The following NPAS2 variants were observed in gnomAD, a reference collection of about 807,000 sequenced individuals.
The protein encoded by NPAS2 is neuronal PAS domain-containing protein 2.
Under a neutral mutation model 107.5 loss-of-function variants are expected in NPAS2, and 23 were observed. That is an observed-to-expected ratio of 0.21 (90% CI 0.15 to 0.30). The LOEUF is 0.30. Ranked by LOEUF, NPAS2 falls within the 10% of genes least tolerant of loss-of-function variation. NPAS2 has a pLI of 1.00. For synonymous variants in NPAS2, 403 were observed against 417.5 expected (o/e 0.97, Z 0.42); for missense variants, 756 against 1,043.3 (o/e 0.72, Z 3.79).
At chr2:100,936,051 TG>T (rs2104960802) in intron 4 of NPAS2, among the ~76,000 whole-genome samples, 1 of 152,348 alleles carries the variant, frequency 6.6e-6, no homozygotes, top group Non-Finnish European at 1.5e-5. Flanking sequence ...GAACCACTGA[TG>T]TCATCCAAGA....
intron 20 of NPAS2, chr2:100,994,273 T>C (rs1490312581): frequency 6.6e-6 from 1 of 152,280 alleles, no homozygotes; most frequent in African/African-American, 2.4e-5. Flanking sequence ...AGCTGAGACC[T>C]CTTGAGTACT....
chr2:100,925,564 A>G (rs35896059), intron 3 of NPAS2, among the ~76,000 whole-genome samples: 21,642 of 152,212 alleles, frequency 0.14, 1,739 homozygotes, highest in Middle Eastern at 0.18. Context: ...GCAGCGTGGC[A>G]TTCACAGTGA....
intron 12 of NPAS2, among the ~76,000 whole-genome samples, chr2:100,973,124 A>G (rs1337281264): frequency 6.6e-6 from 1 of 152,004 alleles, no homozygotes; most frequent in Admixed American, 6.6e-5. Context: ...GGTTGCAGTG[A>G]GCCGAGATTG....
At chr2:100,937,538 G>A (rs963361479) in intron 4 of NPAS2, among the ~76,000 whole-genome samples, 1 of 152,208 alleles carries the variant, frequency 6.6e-6, no homozygotes, top group African/African-American at 2.4e-5. Flanking sequence ...CACTGATCCT[G>A]TAGTGCTTTT....
chr2:100,963,573 T>TTTCG (rs1558916576), intron 7 of NPAS2, among the ~76,000 whole-genome samples: 1 of 151,880 alleles, frequency 6.6e-6, no homozygotes, highest in Non-Finnish European at 1.5e-5. Flanking sequence ...TAATTTTTGT[T>TTTCG]TTTGTTTGTT....
chr2:100,906,349 G>C (rs1036414015), intron 2 of NPAS2, among the ~76,000 whole-genome samples: 2 of 152,158 alleles, frequency 1.3e-5, no homozygotes, highest in Admixed American at 1.3e-4. Flanking sequence ...TGGATGGAGC[G>C]CTGGAGACAG....
chr2:100,971,974 CT>C (rs199999129), intron 12 of NPAS2, among the ~76,000 whole-genome samples: 3,886 of 147,646 alleles, frequency 0.026, 179 homozygotes, highest in African/African-American at 0.093. Flanking sequence ...CAAAGTCTCA[CT>C]TTGTTGCCCC....
chr2:100,875,329 A>T (rs996554648), intron 1 of NPAS2, among the ~76,000 whole-genome samples: 1 of 152,224 alleles, frequency 6.6e-6, no homozygotes, highest in Non-Finnish European at 1.5e-5. Context: ...TTTCTGTCTG[A>T]TGGTTGCACA....
intron 1 of NPAS2, among the ~76,000 whole-genome samples, chr2:100,901,861 T>C (rs1204952178): frequency 6.6e-6 from 1 of 152,084 alleles, no homozygotes; most frequent in Non-Finnish European, 1.5e-5. Context: ...ACCCGCCTTC[T>C]GCTTTCCTGT....
intron 7 of NPAS2, among the ~76,000 whole-genome samples, chr2:100,949,861 G>C (rs4851385): frequency 0.53 from 79,888 of 152,010 alleles, 21,090 homozygotes; most frequent in Middle Eastern, 0.63. Context: ...TTTCCCTCCC[G>C]CTGCAGTACT....
In NPAS2 at chr2:100,975,092, C is replaced by A. The variant is rs2105229871; in HGVS notation, c.1282+148C>A. On this transcript the variant is annotated intron_variant, in intron 13 of 20. Transcript: ENST00000335681. ...CAGTTTATACTCCTCCTTTCCTTTCCCAGACTTCCCGCCTCCTGATCACCT... is the reference window on the plus strand; with the variant it reads ...CAGTTTATACTCCTCCTTTCCTTTCACAGACTTCCCGCCTCCTGATCACCT... 3 of 784,134 alleles carry A rather than the reference C, an allele frequency of 3.8e-6. No individual in the cohort carries two copies. In the East Asian group the frequency reaches 8.1e-5, roughly 21 times the overall value. The allele number at this position is 784,134 out of a possible 1,614,324, so 48.6% of individuals were successfully genotyped here.
chr2:100,922,857 G>GT (rs373817860), intron 2 of NPAS2, among the ~76,000 whole-genome samples: 95 of 152,280 alleles, frequency 6.2e-4, no homozygotes, highest in African/African-American at 2.1e-3. Context: ...CTTCGTCGGA[G>GT]TTGCTACCAG....
At chr2:100,826,702 G>A (rs1231149987) in intron 1 of NPAS2, among the ~76,000 whole-genome samples, 1 of 132,670 alleles carries the variant, frequency 7.5e-6, no homozygotes, top group Non-Finnish European at 1.5e-5. Context: ...GATTTTCTAG[G>A]TCAGGGATTA....
chr2:100,851,237 G>T (rs1678156365), intron 1 of NPAS2, among the ~76,000 whole-genome samples: 1 of 152,192 alleles, frequency 6.6e-6, no homozygotes, highest in Admixed American at 6.5e-5. Flanking sequence ...TTACACAACA[G>T]TGTGAACAGT....
At chr2:100,919,329 C>G (rs996445860) in intron 2 of NPAS2, among the ~76,000 whole-genome samples, 29 of 152,014 alleles carry the variant, frequency 1.9e-4, no homozygotes, top group Non-Finnish European at 1.5e-5. Context: ...AGAACCGTGT[C>G]CCCGAAGAAA....
chr2:100,825,514 G>A (rs145948528), intron 1 of NPAS2, among the ~76,000 whole-genome samples: 341 of 152,200 alleles, frequency 2.2e-3, no homozygotes, highest in African/African-American at 7.8e-3. Context: ...CTTCATCCTT[G>A]TGGCCTACCC....
rs1442828050 is a variant in NPAS2 at position 100,988,262 on chromosome 2, G to T, written c.1813G>T (p.Val605Leu). The T allele has an allele frequency of 6.2e-7, 1 of 1,613,662 alleles. No individual in the cohort carries two copies. Among genetic ancestry groups the T allele is most frequent in the East Asian group, 2.2e-5 (1 of 44,882 alleles). The change falls in exon 17 of 21, where the codon GTG becomes TTG. Residue 605 changes from valine to leucine, a missense_variant. By Grantham distance (32) the Val-to-Leu change is conservative (BLOSUM62 1). This residue lies in a region of NPAS2 where 496 missense variants were observed against 594.4 expected (regional missense o/e 0.83). Transcript: ENST00000335681. ...CCAGCACCTGCTCAGAGAATCAAGT[G>T]TGATATCAACCCAGGTAAATGTGCT... ...TSQHLLRESS[V>L]ISTQGPKPMR...
chr2:100,820,037 A>G (rs1675974237), upstream of NPAS2: 1 of 120,862 alleles, frequency 8.3e-6, no homozygotes, highest in African/African-American at 3.1e-5. The surrounding 1 kb of genome is among the most constrained non-coding windows in gnomAD (Gnocchi z 5.6). Context: ...CGAGGGGAGG[A>G]GGAGGAGGGT....
chr2:100,921,271 G>A lies in NPAS2; in HGVS notation c.33-3875G>A, dbSNP rs373736006. Among the ~76,000 whole-genome samples, 5 of 152,306 alleles carry A rather than the reference G, an allele frequency of 3.3e-5. No homozygotes were observed. In the East Asian group the frequency reaches 7.7e-4, roughly 24 times the overall value. On this transcript the variant is annotated intron_variant, in intron 2 of 20. Transcript: ENST00000335681. ...CTCAGTGCCTCGCTCCTTCCCCTTG[G>A]AATGGAAATGCAATAGTACCTGCCT...
Sources: allele counts gnomAD v4.1 joint callset (sites outside exome capture counted in the v4.1 genomes callset), GRCh38; gene constraint gnomAD v4.1.1; regional missense constraint gnomAD v4.1.1; non-coding constraint Gnocchi (gnomAD v3.1); transcripts MANE v1.5; gene names NCBI Gene and HGNC (gene_info 2026-07-23, HGNC 2026-07-21).